The following DICER1 variants were observed in gnomAD, a reference collection of about 807,000 sequenced individuals.
DICER1 encodes endoribonuclease Dicer.
In DICER1, 43 loss-of-function variants were observed where a neutral mutation model predicts 194.1. The ratio of observed to expected loss-of-function variants is 0.22; its 90% CI spans 0.17 to 0.29. DICER1 has a LOEUF of 0.29. DICER1 is among the 10% of genes least tolerant of loss of function. The pLI is 1.00. For missense variants in DICER1, 1,608 were observed against 2,317.0 expected, an observed-to-expected ratio of 0.69 and a Z score of 6.28; for synonymous variants, 832 against 820.5, an observed-to-expected ratio of 1.01 and a Z score of -0.24.
chr14:95,086,937 TAA>T lies in DICER1; in HGVS notation c.*3559_*3560del, dbSNP rs1889383349. On this transcript the variant is annotated 3_prime_UTR_variant, in exon 27 of 27. Transcript: ENST00000343455. The stretch of plus-strand genomic sequence containing the variant: ...TCTTCTGCAGATAATGCAAATGGGT[TAA>T]AGACTCTTAACATAATTTCAGATGC... 4 of 232,988 alleles carry T rather than the reference TAA, an allele frequency of 1.7e-5. No individual in the cohort carries two copies. Among genetic ancestry groups the T allele is most frequent in the African/African-American group, 8.8e-5 (4 of 45,470 alleles). The allele number at this position is 232,988 out of a possible 1,614,324, so 14.4% of individuals were successfully genotyped here.
rs1893277418 is a variant in DICER1 at position 95,124,907 on chromosome 14, C to A, written c.904-239G>T. Among the ~76,000 whole-genome samples, 1 of 152,030 alleles carries A rather than the reference C, an allele frequency of 6.6e-6. No individual in the cohort carries two copies. The highest frequency in any genetic ancestry group is 2.4e-5 in the African/African-American group (1 of 41,376). On this transcript the variant is annotated intron_variant, in intron 7 of 26. Coordinates refer to ENST00000343455, the MANE Select transcript of DICER1 (RefSeq NM_177438.3). The surrounding 1 kb of genome is among the most constrained non-coding windows in gnomAD (Gnocchi z 4.5). ...ATAATCAAACAGAAATTAAAAGATG[C>A]AATTGTATGAGGTTAATGAAGCTTA...
At chr14:95,126,808 AGTTTTTC>A in intron 6 of DICER1, 60 bp from the exon 7 acceptor site, 3 of 1,151,618 alleles carry the variant, frequency 2.6e-6, no homozygotes, top group East Asian at 2.4e-5. Context: ...ATTTAAAAAA[AGTTTTTC>A]AAAAAGCAAA....
rs1284347228 is a variant in DICER1 at position 95,089,251 on chromosome 14, A to C, written c.*1247T>G. On this transcript the variant is annotated 3_prime_UTR_variant, in exon 27 of 27. Coordinates refer to ENST00000343455, the MANE Select transcript of DICER1 (RefSeq NM_177438.3). ...ATGGAAATAATGAGCTAGTTTATCTAAATTAATGACCTAAATCACAGATGT... is the reference window on the plus strand; with the variant it reads ...ATGGAAATAATGAGCTAGTTTATCTCAATTAATGACCTAAATCACAGATGT... 4.3e-6 allele frequency: 1 copy of C among 232,908 alleles called. No homozygotes were observed. Among genetic ancestry groups the C allele is most frequent in the Non-Finnish European group, 8.5e-6 (1 of 117,968 alleles). 14.4% of individuals were successfully genotyped at this position (232,908 alleles called of 1,614,324 possible). A position where few individuals can be genotyped will look rare whatever the true frequency, so the allele number is the denominator to read the frequency against.
At chr14:95,094,301 C>T in intron 23 of DICER1, 145 bp from the exon 24 acceptor site, 2 of 1,070,298 alleles carry the variant, frequency 1.9e-6, no homozygotes, top group African/African-American at 1.6e-5. Context: ...TCTGACATAT[C>T]ATACTAAAAA....
intron 12 of DICER1, among the ~76,000 whole-genome samples, chr14:95,112,816 T>G (rs990032296): frequency 2.6e-5 from 4 of 152,218 alleles, no homozygotes; most frequent in Non-Finnish European, 5.9e-5. Context: ...TAGAAGAAAC[T>G]TCAGAGATCA....
At chr14:95,122,921 T>C (rs1231511317) in intron 8 of DICER1, among the ~76,000 whole-genome samples, 2 of 151,102 alleles carry the variant, frequency 1.3e-5, no homozygotes, top group East Asian at 2.0e-4. Context: ...TAAGCGCGTG[T>C]GCGCGTGCGT....
chr14:95,154,470 GATGA>G (rs1161417010), intron 1 of DICER1, among the ~76,000 whole-genome samples: 3 of 152,226 alleles, frequency 2.0e-5, no homozygotes, highest in African/African-American at 7.2e-5. Context: ...GCCATGGACA[GATGA>G]ATGGATAAAC....
In DICER1 at chr14:95,090,523, T is replaced by C. The variant is rs1178537434; in HGVS notation, c.5744A>G (p.Asn1915Ser). Residue 1915 changes from asparagine to serine, a missense_variant, in exon 27 of 27, where the codon AAT (asparagine) becomes AGT (serine). This residue lies in a region of DICER1 where 138 missense variants were observed against 298.3 expected (regional missense o/e 0.46). Coordinates refer to ENST00000343455, the MANE Select transcript of DICER1 (RefSeq NM_177438.3). The stretch of plus-strand genomic sequence containing the variant: ...TCAGCTATTGGGAACCTGAGGTTGA[T>C]TAGCTTTGAGGCTTCGGAGGGCTCT... ...ARRALRSLKANQPQVPNS is the reference protein window; with the variant it reads ...ARRALRSLKASQPQVPNS 3.1e-6 allele frequency: 5 copies of C among 1,614,006 alleles called. No homozygotes were observed. The African/African-American group carries it at 6.7e-5, about 22-fold the overall frequency.
intron 8 of DICER1, among the ~76,000 whole-genome samples, chr14:95,119,707 C>T (rs1336315828): frequency 6.6e-6 from 1 of 152,174 alleles, no homozygotes; most frequent in East Asian, 1.9e-4. Flanking sequence ...CAGTGAAGAA[C>T]CAGCTTTTCT....
chr14:95,148,086 G>C (rs565024022), intron 1 of DICER1, among the ~76,000 whole-genome samples: 4 of 152,286 alleles, frequency 2.6e-5, no homozygotes, highest in African/African-American at 4.8e-5. Context: ...TCCAGATGAA[G>C]ACATGCACAG....
intron 24 of DICER1, among the ~76,000 whole-genome samples, 170 bp downstream of exon 24, chr14:95,093,718 G>A (rs1890045044): frequency 6.6e-6 from 1 of 152,176 alleles, no homozygotes; most frequent in African/African-American, 2.4e-5. Context: ...AAGTTCAAGA[G>A]GCCTACCTGC....
In DICER1 at chr14:95,129,468, A is replaced by G. The variant is rs866993296; in HGVS notation, c.734+4T>C. The stretch of plus-strand genomic sequence containing the variant: ...TTAAAGCTGAGTCAATCAGAAGTGC[A>G]TACCTGTCTAAGACCACCAGGTCAG... On this transcript the variant is annotated splice_donor_region_variant and intron_variant, in intron 6 of 26. Coordinates refer to ENST00000343455, the MANE Select transcript of DICER1 (RefSeq NM_177438.3). 3 of 1,613,246 alleles carry G rather than the reference A, an allele frequency of 1.9e-6. No individual in the cohort carries two copies. The highest frequency in any genetic ancestry group is 1.3e-5 in the African/African-American group (1 of 75,040).
intron 1 of DICER1, among the ~76,000 whole-genome samples, chr14:95,144,222 A>T (rs1894988893): frequency 6.6e-6 from 1 of 152,188 alleles, no homozygotes; most frequent in African/African-American, 2.4e-5. Flanking sequence ...GTTTTCAGTG[A>T]CATCTATACA....
Position 95,103,499 on chromosome 14 carries a change from C to T in DICER1, c.3897G>A (p.Gln1299=). Residue 1299 remains glutamine (Q), a synonymous_variant, in exon 21 of 27, where the codon CAG becomes CAA. Transcript: ENST00000343455. ...CACTAGCGTTTGACAGAGTCAAAGC[C>T]TGAAGAATAAGTCCAGGATTGGGGC... ...TLGPNPGLIL[Q]ALTLSNASDG... 6.2e-7 allele frequency: 1 copy of T among 1,614,132 alleles called. No homozygotes were observed. Among genetic ancestry groups the T allele is most frequent in the Admixed American group, 1.7e-5 (1 of 60,024 alleles).
chr14:95,120,613 G>T (rs527301175), intron 8 of DICER1, among the ~76,000 whole-genome samples: 3 of 152,284 alleles, frequency 2.0e-5, no homozygotes, highest in African/African-American at 7.2e-5. Context: ...AAAAGGATGA[G>T]GGTATGTCAA....
intron 8 of DICER1, among the ~76,000 whole-genome samples, chr14:95,118,901 G>GGA (rs1892718552): frequency 6.6e-6 from 1 of 152,050 alleles, no homozygotes; most frequent in Non-Finnish European, 1.5e-5. Flanking sequence ...TGCGTGTCTA[G>GGA]GTTAGTTTGG....
At chr14:95,149,133 T>C (rs1023759816) in intron 1 of DICER1, among the ~76,000 whole-genome samples, 25 of 152,152 alleles carry the variant, frequency 1.6e-4, no homozygotes, top group Non-Finnish European at 2.9e-5. Flanking sequence ...GACTACCCTC[T>C]ACCTTTACAC....
chr14:95,124,284 G>A lies in DICER1; in HGVS notation c.1288C>T (p.Pro430Ser), dbSNP rs1060503601. ...AAAGGAGAAGGAAAATTTGTCTCTG[G>A]CTTCTCTTTTTCTTCAATTTCTTCA... is the stretch of plus-strand genomic sequence containing the variant. ...EDEEIEEKEKPETNFPSPFTN... is the reference protein window; with the variant it reads ...EDEEIEEKEKSETNFPSPFTN... The change falls in exon 8 of 27, where the codon CCA (proline) becomes TCA (serine). Residue 430 changes from proline to serine, a missense_variant. Around this residue, in one of 10 missense-constraint regions of DICER1, gnomAD observed 657 missense variants for 910.1 expected, o/e 0.72. Transcript: ENST00000343455. This position sits in a 1 kb window ranked among gnomAD's most constrained non-coding sequence, Gnocchi z 4.5. 2 of 1,613,856 alleles carry A rather than the reference G, an allele frequency of 1.2e-6. No individual in the cohort carries two copies. The highest frequency in any genetic ancestry group is 2.2e-5 in the South Asian group (2 of 91,080).
Position 95,131,850 on chromosome 14 carries a change from C to T in DICER1, c.308-211G>A, listed in dbSNP as rs191173452. On this transcript the variant is annotated intron_variant, in intron 3 of 26. Coordinates refer to ENST00000343455, the MANE Select transcript of DICER1 (RefSeq NM_177438.3). ...ACTTGCCACCTCACTTTTTGTCACT[C>T]GCTTCAGAGAACCCTACACCACCTT... 3.7e-3 allele frequency among the ~76,000 whole-genome samples: 560 copies of T among 152,194 alleles called. 2 individuals are homozygous for T. The highest frequency in any genetic ancestry group is 5.4e-3 in the Non-Finnish European group (364 of 68,006).
Sources: gnomAD v4.1 joint callset for allele counts (sites outside exome capture counted in the v4.1 genomes callset) on GRCh38, gnomAD v4.1.1 for gene constraint, gnomAD v4.1.1 regional missense constraint, Gnocchi (gnomAD v3.1) non-coding constraint, MANE v1.5 for transcripts, NCBI Gene and HGNC (gene_info 2026-07-23, HGNC 2026-07-21) for gene names.